The following FANCC variants were observed in gnomAD, a reference collection of about 807,000 sequenced individuals.
The protein encoded by FANCC is Fanconi anemia group C protein.
FANCC carries 55 observed loss-of-function variants against 71.3 expected under a neutral mutation model. The observed-to-expected ratio is 0.77, with a 90% CI of 0.62 to 0.97. The LOEUF (loss-of-function observed/expected upper bound fraction) is 0.97. FANCC is among the 50% of genes least tolerant of loss of function. The pLI, the probability that FANCC is intolerant of heterozygous loss-of-function variation, is 0.00. For missense variants in FANCC, 678 were observed against 670.9 expected (o/e 1.01, Z -0.12); for synonymous variants, 275 against 244.9 (o/e 1.12, Z -1.15).
chr9:95,312,157 C>T (rs1290896809), intron 1 of FANCC, among the ~76,000 whole-genome samples: 1 of 152,194 alleles, frequency 6.6e-6, no homozygotes. Flanking sequence ...CTCACACAAA[C>T]GTGTCTTTCG....
intron 4 of FANCC, among the ~76,000 whole-genome samples, chr9:95,181,846 T>C (rs1022125444): frequency 1.3e-5 from 2 of 152,236 alleles, no homozygotes; most frequent in African/African-American, 4.8e-5. Context: ...GCTTAGATCA[T>C]GCGAGTGAAC....
Position 95,248,671 on chromosome 9 carries a change from T to C in FANCC, c.165+456A>G, listed in dbSNP as rs549089066. Among the ~76,000 whole-genome samples the C allele has an allele frequency of 6.8e-4, 103 of 151,736 alleles. No homozygotes were observed. The South Asian group carries it at 8.3e-3, about 12-fold the overall frequency. ...AAAATATATTAAATTTTGAAAATAA[T>C]AAATTATATAATAGTAAAGATACTC... On this transcript the variant is annotated intron_variant, in intron 2 of 14. Coordinates refer to ENST00000289081, the MANE Select transcript of FANCC (RefSeq NM_000136.3).
chr9:95,294,439 G>A, intron 1 of FANCC: 1 of 1,605,006 alleles, frequency 6.2e-7, no homozygotes, highest in Non-Finnish European at 8.5e-7. Context: ...TGAGATGTTT[G>A]ACAGACAAAC....
intron 8 of FANCC, among the ~76,000 whole-genome samples, chr9:95,134,299 C>T (rs1827326230): frequency 6.6e-6 from 1 of 152,170 alleles, no homozygotes. Flanking sequence ...CTGAACTAAA[C>T]AAGTTGAAGG....
rs200866846 is a variant in FANCC, at chr9:95,294,449, CACAG to C, written c.-79+23073_-79+23076del. The C allele has an allele frequency of 6.7e-4, 1,073 of 1,604,002 alleles. 15 individuals carry two copies. In the African/African-American group the frequency reaches 0.012, roughly 18 times the overall value. ...GGCCTTGAGATGTTTGACAGACAAA[CACAG>C]ACAGACTTAAACTTTTTCTTAGACA... On this transcript the variant is annotated intron_variant, in intron 1 of 14. Transcript: ENST00000289081.
rs4647408 is a variant in FANCC at position 95,250,467 on chromosome 9, C to T, written c.-78-1098G>A. Reference sequence around the variant, plus strand: ...GGCTGCAGTGCAAAAAAATCTAGATCGGGAAAGTTTTAAAATACCTAAAAA... The same window carrying T: ...GGCTGCAGTGCAAAAAAATCTAGATTGGGAAAGTTTTAAAATACCTAAAAA... On this transcript the variant is annotated intron_variant, in intron 1 of 14. Coordinates refer to ENST00000289081, the MANE Select transcript of FANCC (RefSeq NM_000136.3). 3.4e-3 allele frequency among the ~76,000 whole-genome samples: 512 copies of T among 152,190 alleles called. 9 individuals are homozygous for T. In the East Asian group the frequency reaches 0.044, roughly 13 times the overall value.
intron 1 of FANCC, among the ~76,000 whole-genome samples, chr9:95,270,087 G>A (rs1588392233): frequency 6.6e-6 from 1 of 152,166 alleles, no homozygotes; most frequent in East Asian, 1.9e-4. Context: ...TCTCAAGGCA[G>A]AAGAATTTTT....
At chr9:95,141,884 GA>G (rs1254710679) in intron 7 of FANCC, among the ~76,000 whole-genome samples, 2 of 151,056 alleles carry the variant, frequency 1.3e-5, no homozygotes, top group African/African-American at 4.9e-5. Flanking sequence ...TTGTTAGGGG[GA>G]AAAATATGAG....
Position 95,292,492 on chromosome 9 carries a change from C to T in FANCC, c.-79+25034G>A, listed in dbSNP as rs901234826. On this transcript the variant is annotated intron_variant, in intron 1 of 14. Coordinates refer to ENST00000289081, the MANE Select transcript of FANCC (RefSeq NM_000136.3). ...CTGAGGGGCAGCCGGCCGCGGCCCG[C>T]GGGGGTGACGCAGCAGCCCGCGGCC... The T allele has an allele frequency of 2.6e-5, 37 of 1,407,354 alleles. No individual in the cohort carries two copies. In the Admixed American group the frequency reaches 8.4e-4, roughly 32 times the overall value. The allele number at this position is 1,407,354 out of a possible 1,614,324, so 87.2% of individuals were successfully genotyped here.
Position 95,125,107 on chromosome 9 carries a change from A to G in FANCC, c.975T>C (p.Ala325=). The change falls in exon 10 of 15, where the codon GCT becomes GCC. Residue 325 remains alanine (A), a synonymous_variant. Transcript: ENST00000289081. The stretch of plus-strand genomic sequence containing the variant: ...AAACCTGCTTGCTTGCTTTCTCCAG[A>G]GCTTCTACAAAGCACTGCGTAAACA... ...IQVFTQCFVE[A]LEKASKQLRF... 2 of 1,614,102 alleles carry G rather than the reference A, an allele frequency of 1.2e-6. No individual in the cohort carries two copies. The highest frequency in any genetic ancestry group is 1.1e-5 in the South Asian group (1 of 91,078).
chr9:95,276,408 T>C (rs113760727), intron 1 of FANCC, among the ~76,000 whole-genome samples: 15 of 152,344 alleles, frequency 9.8e-5, no homozygotes, highest in African/African-American at 3.6e-4. Flanking sequence ...ATAATCCTTT[T>C]CTGGTCACAG....
chr9:95,229,029 G>A (rs1013319732), intron 4 of FANCC, among the ~76,000 whole-genome samples: 1 of 152,158 alleles, frequency 6.6e-6, no homozygotes. Flanking sequence ...TGGGCACGAT[G>A]GCTCACACCT....
intron 5 of FANCC, among the ~76,000 whole-genome samples, chr9:95,171,392 A>G (rs1319447925): frequency 6.6e-6 from 1 of 152,174 alleles, no homozygotes; most frequent in African/African-American, 2.4e-5. Context: ...TTAATTTCCT[A>G]AGAATTAAAA....
intron 8 of FANCC, chr9:95,127,260 C>G (rs1826141195): frequency 6.6e-6 from 1 of 152,574 alleles, no homozygotes; most frequent in South Asian, 2.1e-4. Flanking sequence ...GGCCCAGTCC[C>G]TGGTTCCCTA....
intron 1 of FANCC, among the ~76,000 whole-genome samples, chr9:95,256,773 G>A (rs561059415): frequency 6.6e-6 from 1 of 152,184 alleles, no homozygotes; most frequent in East Asian, 1.9e-4. Context: ...ACCCATCAGT[G>A]TGCTGTAAGG....
At chr9:95,119,678 C>T (rs939282389) in intron 10 of FANCC, among the ~76,000 whole-genome samples, 3 of 151,828 alleles carry the variant, frequency 2.0e-5, no homozygotes, top group African/African-American at 7.3e-5. Context: ...TTTTCAGTTT[C>T]TTAATGATAT....
intron 4 of FANCC, among the ~76,000 whole-genome samples, chr9:95,226,490 T>G (rs1003186001): frequency 1.3e-5 from 2 of 151,418 alleles, no homozygotes; most frequent in African/African-American, 4.9e-5. Context: ...CAGACAGGAG[T>G]GAGGGTAGCT....
chr9:95,264,908 A>T (rs1482853080), intron 1 of FANCC, among the ~76,000 whole-genome samples: 2 of 151,646 alleles, frequency 1.3e-5, no homozygotes, highest in Admixed American at 1.3e-4. Flanking sequence ...ACTATTTTTA[A>T]TTTGCTGAAA....
At chr9:95,217,604 G>A (rs1828954490) in intron 4 of FANCC, among the ~76,000 whole-genome samples, 2 of 152,078 alleles carry the variant, frequency 1.3e-5, no homozygotes, top group South Asian at 4.1e-4. Flanking sequence ...TCAAAATTCA[G>A]TGGATGCACA....
Sources: gnomAD v4.1 joint callset for allele counts (sites outside exome capture counted in the v4.1 genomes callset) on GRCh38, gnomAD v4.1.1 for gene constraint, MANE v1.5 for transcripts, NCBI Gene and HGNC (gene_info 2026-07-23, HGNC 2026-07-21) for gene names.